DRG2: variants seen among roughly 807,000 people sequenced by gnomAD.
DRG2 encodes the protein developmentally regulated GTP binding protein 2.
A neutral mutation model predicts 53.4 loss-of-function variants in DRG2; 36 were observed. The ratio of observed to expected loss-of-function variants is 0.67; its 90% CI spans 0.52 to 0.89. The LOEUF (loss-of-function observed/expected upper bound fraction) is 0.89, where lower values mean the gene tolerates loss of function less well. DRG2 is among the 40% of genes least tolerant of loss of function. DRG2 has a pLI of 0.00. For synonymous variants in DRG2, 167 were observed against 192.1 expected, an observed-to-expected ratio of 0.87 and a Z score of 1.08; for missense variants, 342 against 481.2, an observed-to-expected ratio of 0.71 and a Z score of 2.71.
At chr17:18,090,477 T>A (rs1345342539) in intron 1 of DRG2, among the ~76,000 whole-genome samples, 1 of 131,990 alleles carries the variant, frequency 7.6e-6, no homozygotes, top group East Asian at 2.4e-4. Context: ...AGTGCAATGG[T>A]GCAATCTCGG....
Position 18,099,380 on chromosome 17 carries a change from C to T in DRG2, c.377-253C>T, listed in dbSNP as rs1281411624. 44 of 611,830 alleles carry T rather than the reference C, an allele frequency of 7.2e-5. No individual in the cohort carries two copies. In the East Asian group the frequency reaches 1.2e-3, roughly 16 times the overall value. 37.9% of individuals were successfully genotyped at this position (611,830 alleles called of 1,614,324 possible). A position where few individuals can be genotyped will look rare whatever the true frequency, so the allele number is the denominator to read the frequency against. ...GTTCAGGAAGCATTTAGCCTGGGCC[C>T]TGCCACATGGTAGGGGTGGGCGTAG... is the stretch of plus-strand genomic sequence containing the variant. On this transcript the variant is annotated intron_variant, in intron 4 of 12. Coordinates refer to ENST00000225729, the MANE Select transcript of DRG2 (RefSeq NM_001388.5). This position sits in a 1 kb window ranked among gnomAD's most constrained non-coding sequence, Gnocchi z 4.4.
At position 18,099,481 on chromosome 17, in the gene DRG2, A is replaced by C. The variant is rs2045490060; in HGVS notation, c.377-152A>C. Reference sequence around the variant, plus strand: ...TCTTCTGAAATAAGTCTCCGTCAGTAAAACATGTGGATTAAAGAAAAATGC... The same window carrying C: ...TCTTCTGAAATAAGTCTCCGTCAGTCAAACATGTGGATTAAAGAAAAATGC... On this transcript the variant is annotated intron_variant, in intron 4 of 12. Coordinates refer to ENST00000225729, the MANE Select transcript of DRG2 (RefSeq NM_001388.5). This position sits in a 1 kb window ranked among gnomAD's most constrained non-coding sequence, Gnocchi z 4.4. The C allele has an allele frequency of 5.1e-6, 4 of 782,452 alleles. No individual in the cohort carries two copies. The South Asian group carries it at 6.2e-5, about 12-fold the overall frequency. 48.5% of individuals were successfully genotyped at this position (782,452 alleles called of 1,614,324 possible). A position where few individuals can be genotyped will look rare whatever the true frequency, so the allele number is the denominator to read the frequency against.
At position 18,100,884 on chromosome 17, in the gene DRG2, T is replaced by C. The variant is rs2045520300; in HGVS notation, c.631+225T>C. ...CCTCACCAAGTACTGGGCACTGTGGTAGCCAGATGACATCCGGAAGAAAAA... is the reference window on the plus strand; with the variant it reads ...CCTCACCAAGTACTGGGCACTGTGGCAGCCAGATGACATCCGGAAGAAAAA... On this transcript the variant is annotated intron_variant, in intron 7 of 12. Transcript: ENST00000225729. This position sits in a 1 kb window ranked among gnomAD's most constrained non-coding sequence, Gnocchi z 4.1. 6.6e-6 allele frequency among the ~76,000 whole-genome samples: 1 copy of C among 152,228 alleles called. No homozygotes were observed. Among genetic ancestry groups the C allele is most frequent in the East Asian group, 1.9e-4 (1 of 5,172 alleles).
Position 18,100,484 on chromosome 17 carries a change from C to T in DRG2, c.540+49C>T. ...GGCCAGGGGTGTGGCAGTTTTGAGA[C>T]TGCATTGGCTGGCGGCTGAGGCTGT... is the stretch of plus-strand genomic sequence containing the variant. On this transcript the variant is annotated intron_variant, in intron 6 of 12. Coordinates refer to ENST00000225729, the MANE Select transcript of DRG2 (RefSeq NM_001388.5). The surrounding 1 kb of genome is among the most constrained non-coding windows in gnomAD (Gnocchi z 4.1). 2 of 1,613,824 alleles carry T rather than the reference C, an allele frequency of 1.2e-6. No homozygotes were observed. Among genetic ancestry groups the T allele is most frequent in the Non-Finnish European group, 1.7e-6 (2 of 1,179,664 alleles).
chr17:18,098,619 A>G lies in DRG2; in HGVS notation c.315+260A>G. ...TGGCGCCCCCTGTGCTCTCCTCCCC[A>G]ACACCACCACAGCTCTGGTCACTAA... On this transcript the variant is annotated intron_variant, in intron 3 of 12. Transcript: ENST00000225729. The surrounding 1 kb of genome is among the most constrained non-coding windows in gnomAD (Gnocchi z 4.1). The G allele has an allele frequency of 2.1e-6, 1 of 479,614 alleles. No homozygotes were observed. Among genetic ancestry groups the G allele is most frequent in the Non-Finnish European group, 3.8e-6 (1 of 262,706 alleles). The allele number at this position is 479,614 out of a possible 1,614,324, so 29.7% of individuals were successfully genotyped here.
intron 11 of DRG2, chr17:18,105,698 C>T (rs1238106202): frequency 6.6e-6 from 1 of 152,528 alleles, no homozygotes; most frequent in South Asian, 2.1e-4. Flanking sequence ...AGGAAGTGTT[C>T]CTGCAGGCCT....
At chr17:18,097,028 G>T (rs1231608257) in intron 2 of DRG2, 1 of 152,192 alleles carries the variant, frequency 6.6e-6, no homozygotes, top group Non-Finnish European at 1.5e-5. Flanking sequence ...CAAGAGCCGT[G>T]ACCCTTGAAG....
intron 11 of DRG2, 133 bp from the exon 12 acceptor site, chr17:18,106,300 C>T (rs2045628505): frequency 1.1e-6 from 1 of 944,012 alleles, no homozygotes; most frequent in Non-Finnish European, 1.7e-6. Context: ...CACACAAGGC[C>T]CAGACTGTGT....
intron 2 of DRG2, chr17:18,095,981 G>A (rs1299634525): frequency 1.3e-5 from 2 of 152,256 alleles, no homozygotes; most frequent in African/African-American, 4.8e-5. Context: ...TGATAACCTT[G>A]ACGGTTTTAA....
chr17:18,104,484 G>A, intron 10 of DRG2, 139 bp from the exon 11 acceptor site: 1 of 1,493,978 alleles, frequency 6.7e-7, no homozygotes, highest in Non-Finnish European at 8.9e-7. Flanking sequence ...TGGAGGGTGT[G>A]CTGGATGTCA....
At position 18,103,338 on chromosome 17, in the gene DRG2, C is replaced by T. The variant is rs1376328726; in HGVS notation, c.807-463C>T. 6.6e-6 allele frequency among the ~76,000 whole-genome samples: 1 copy of T among 152,148 alleles called. No individual in the cohort carries two copies. Among genetic ancestry groups the T allele is most frequent in the African/African-American group, 2.4e-5 (1 of 41,432 alleles). On this transcript the variant is annotated intron_variant, in intron 9 of 12. Coordinates refer to ENST00000225729, the MANE Select transcript of DRG2 (RefSeq NM_001388.5). The surrounding 1 kb of genome is among the most constrained non-coding windows in gnomAD (Gnocchi z 4.4). ...AGTCCTGCGAGGTAGGGACTGGGTT[C>T]ATGCCTGTTCTACATGTAAAGGCTC...
rs854810 is a variant in DRG2, at chr17:18,103,107, G to C, written c.807-694G>C. Among the ~76,000 whole-genome samples the C allele has an allele frequency of 0.43, 65,988 of 151,960 alleles. 16,630 individuals are homozygous for C. Among genetic ancestry groups the C allele is most frequent in the Non-Finnish European group, 0.59 (40,236 of 67,920 alleles). ...TGTCAGTTCTACAGCACAGCCTCAG[G>C]TCCTCTCCTCCTGCTGTGTCCCAGG... On this transcript the variant is annotated intron_variant, in intron 9 of 12. Coordinates refer to ENST00000225729, the MANE Select transcript of DRG2 (RefSeq NM_001388.5). This position sits in a 1 kb window ranked among gnomAD's most constrained non-coding sequence, Gnocchi z 4.4.
intron 1 of DRG2, among the ~76,000 whole-genome samples, chr17:18,090,727 G>T (rs1204220938): frequency 6.7e-6 from 1 of 150,194 alleles, no homozygotes; most frequent in Non-Finnish European, 1.5e-5. Context: ...TAGAGGCACG[G>T]TCTCACTATG....
chr17:18,093,728 G>T (rs1363850068), intron 1 of DRG2, 85 bp from the exon 2 acceptor site: 2 of 1,486,498 alleles, frequency 1.3e-6, no homozygotes, highest in East Asian at 4.6e-5. Flanking sequence ...TTCCCAGCCA[G>T]CACTTGGCGA....
intron 8 of DRG2, 79 bp downstream of exon 8, chr17:18,101,669 G>T: frequency 7.0e-7 from 1 of 1,418,642 alleles, no homozygotes. Context: ...GGAACCTTGT[G>T]AGAGAAGCAG....
rs1442720378 is a variant in DRG2 at position 18,099,926 on chromosome 17, G to C, written c.467+203G>C. On this transcript the variant is annotated intron_variant, in intron 5 of 12. Transcript: ENST00000225729. This position sits in a 1 kb window ranked among gnomAD's most constrained non-coding sequence, Gnocchi z 4.4. ...TGTCCAGCCAGCACAGAGGTATCTT[G>C]GGACTGGGGGCCGAGGGGCTTGGCC... 3 of 622,750 alleles carry C rather than the reference G, an allele frequency of 4.8e-6. No homozygotes were observed. The highest frequency in any genetic ancestry group is 8.4e-6 in the Non-Finnish European group (3 of 355,662). The allele number at this position is 622,750 out of a possible 1,614,324, so 38.6% of individuals were successfully genotyped here.
At chr17:18,102,114 GCA>G (rs2045548861) in intron 9 of DRG2, 117 bp downstream of exon 9, 4 of 1,066,478 alleles carry the variant, frequency 3.8e-6, no homozygotes, top group African/African-American at 1.6e-5. Context: ...GCCTCCAGCA[GCA>G]CACAGCCGTC....
Position 18,087,975 on chromosome 17 carries a change from TGCCGGTGCC to T in DRG2, c.-44_-36del, listed in dbSNP as rs1254936092. 8 of 1,538,108 alleles carry T rather than the reference TGCCGGTGCC, an allele frequency of 5.2e-6. No individual in the cohort carries two copies. The highest frequency in any genetic ancestry group is 7.0e-6 in the Non-Finnish European group (8 of 1,140,950). ...TCTGTCGCCGCCGTCAGACCGGAATTGCCGGTGCCGCCGCCACCGCTGTCTGTGCGCCCA... is the reference window on the plus strand; with the variant it reads ...TCTGTCGCCGCCGTCAGACCGGAATTGCCGCCACCGCTGTCTGTGCGCCCA... On this transcript the variant is annotated 5_prime_UTR_variant, in exon 1 of 13. Transcript: ENST00000225729.
Position 18,103,777 on chromosome 17 carries a change from G to C in DRG2, c.807-24G>C, listed in dbSNP as rs2045579144. The C allele has an allele frequency of 1.2e-6, 2 of 1,613,392 alleles. No individual in the cohort carries two copies. Among genetic ancestry groups the C allele is most frequent in the African/African-American group, 1.3e-5 (1 of 74,924 alleles). On this transcript the variant is annotated intron_variant, in intron 9 of 12. Transcript: ENST00000225729. This position sits in a 1 kb window ranked among gnomAD's most constrained non-coding sequence, Gnocchi z 4.4. ...TCTGAATTCACAGGGGCCCCTGCCT[G>C]ACTGGCCGCCTCCCTCTTTGCAGCT...
Sources: gnomAD v4.1 joint callset for allele counts (sites outside exome capture counted in the v4.1 genomes callset) on GRCh38, gnomAD v4.1.1 for gene constraint, Gnocchi (gnomAD v3.1) non-coding constraint, MANE v1.5 for transcripts, NCBI Gene and HGNC (gene_info 2026-07-23, HGNC 2026-07-21) for gene names.